L3MBTL3: variants seen among roughly 807,000 people sequenced by gnomAD.
L3MBTL3 encodes the protein lethal(3)malignant brain tumor-like protein 3.
A neutral mutation model predicts 102.3 loss-of-function variants in L3MBTL3; 27 were observed. The observed-to-expected ratio is 0.26, with a 90% CI of 0.19 to 0.36. L3MBTL3 has a LOEUF of 0.36. Ranked by LOEUF, L3MBTL3 falls within the 10% of genes least tolerant of loss-of-function variation. The pLI, the probability that L3MBTL3 is intolerant of heterozygous loss-of-function variation, is 1.00. For missense variants in L3MBTL3, 798 were observed against 955.3 expected (o/e 0.84, Z 2.17); for synonymous variants, 340 against 320.9 (o/e 1.06, Z -0.64).
chr6:130,134,746 C>T (rs540284127), intron 22 of L3MBTL3, among the ~76,000 whole-genome samples: 1 of 152,328 alleles, frequency 6.6e-6, no homozygotes, highest in African/African-American at 2.4e-5. Flanking sequence ...TACACGCATA[C>T]ACAACTTGTT....
At chr6:130,059,652 C>T (rs1781762494) in intron 9 of L3MBTL3, among the ~76,000 whole-genome samples, 1 of 152,160 alleles carries the variant, frequency 6.6e-6, no homozygotes, top group Admixed American at 6.5e-5. Context: ...TACCAATTTT[C>T]ATTCTTCCTA....
chr6:130,036,486 G>A (rs896590901), intron 2 of L3MBTL3, among the ~76,000 whole-genome samples: 1 of 152,170 alleles, frequency 6.6e-6, no homozygotes, highest in African/African-American at 2.4e-5. Context: ...AGTACACTGT[G>A]TATCATTAGT....
At chr6:130,122,725 A>G (rs1176743800) in intron 20 of L3MBTL3, among the ~76,000 whole-genome samples, 2 of 152,210 alleles carry the variant, frequency 1.3e-5, no homozygotes, top group Admixed American at 6.5e-5. Context: ...TTCTTTGTGA[A>G]TGGTGGTTTA....
intron 2 of L3MBTL3, among the ~76,000 whole-genome samples, chr6:130,032,549 A>G (rs1779795910): frequency 1.3e-5 from 2 of 152,238 alleles, no homozygotes; most frequent in African/African-American, 2.4e-5. Context: ...TATAACAAGA[A>G]GCTAACATTT....
chr6:130,073,698 C>T (rs1328535911), intron 13 of L3MBTL3, among the ~76,000 whole-genome samples: 1 of 151,900 alleles, frequency 6.6e-6, no homozygotes, highest in Non-Finnish European at 1.5e-5. Context: ...GTTCATTTTT[C>T]GATGCCAAAT....
At chr6:130,049,188 A>C (rs996634920) in intron 3 of L3MBTL3, 94 bp from the exon 4 acceptor site, 9 of 696,872 alleles carry the variant, frequency 1.3e-5, no homozygotes, top group Non-Finnish European at 2.3e-5. Flanking sequence ...CCATGTAATT[A>C]ATTTGCTTGA....
At chr6:130,066,001 G>A (rs1782222264) in intron 10 of L3MBTL3, among the ~76,000 whole-genome samples, 3 of 152,144 alleles carry the variant, frequency 2.0e-5, no homozygotes, top group African/African-American at 7.2e-5. Flanking sequence ...AGAGCTGAGT[G>A]TGCTGTGCTG....
intron 1 of L3MBTL3, among the ~76,000 whole-genome samples, chr6:130,018,948 T>C (rs1778737546): frequency 6.6e-6 from 1 of 151,814 alleles, no homozygotes; most frequent in African/African-American, 2.4e-5. Flanking sequence ...CATCTCACTC[T>C]GAAGTAGTGA....
At chr6:130,049,919 T>A in intron 5 of L3MBTL3, 89 bp downstream of exon 5, 3 of 1,477,278 alleles carry the variant, frequency 2.0e-6, no homozygotes, top group Non-Finnish European at 2.7e-6. Flanking sequence ...CCCTAACCCA[T>A]ATTTCAGTTG....
At chr6:130,110,288 G>A (rs1388133179) in intron 19 of L3MBTL3, among the ~76,000 whole-genome samples, 1 of 152,174 alleles carries the variant, frequency 6.6e-6, no homozygotes, top group Non-Finnish European at 1.5e-5. Flanking sequence ...ATTACTTTGG[G>A]CAGTATGGCC....
At chr6:130,105,763 A>G (rs1261298516) in intron 19 of L3MBTL3, among the ~76,000 whole-genome samples, 1 of 152,228 alleles carries the variant, frequency 6.6e-6, no homozygotes, top group African/African-American at 2.4e-5. Context: ...AAAATTTAAA[A>G]ATTGTTTATT....
chr6:130,081,440 A>G (rs1279325539), intron 14 of L3MBTL3, among the ~76,000 whole-genome samples: 4 of 148,226 alleles, frequency 2.7e-5, no homozygotes, highest in African/African-American at 1.0e-4. Flanking sequence ...TTTTTTTGAG[A>G]CGGATTCTTG....
intron 3 of L3MBTL3, among the ~76,000 whole-genome samples, chr6:130,043,365 T>C (rs1254020058): frequency 6.6e-6 from 1 of 152,222 alleles, no homozygotes; most frequent in East Asian, 1.9e-4. Flanking sequence ...TGAGAACTCT[T>C]TGGAGAGCAA....
intron 18 of L3MBTL3, among the ~76,000 whole-genome samples, chr6:130,097,220 C>G (rs959582459): frequency 1.3e-5 from 2 of 152,174 alleles, no homozygotes; most frequent in Admixed American, 1.3e-4. Context: ...GAGGAGCTTA[C>G]TGTGTCGTGG....
Position 130,052,900 on chromosome 6 carries a change from A to G in L3MBTL3, c.491A>G (p.Glu164Gly), listed in dbSNP as rs781213077. ...AGGGACGTAGAAGAAGACAATGAGG[A>G]AGAAGATCCTAAGTGTAGTCGGAAG... ...EERDVEEDNE[E>G]EDPKCSRKKK... Residue 164 changes from glutamate (E) to glycine (G), a missense_variant, in exon 7 of 23, where the codon GAA becomes GGA. Transcript: ENST00000361794. The G allele has an allele frequency of 6.2e-7, 1 of 1,614,088 alleles. No individual in the cohort carries two copies. The highest frequency in any genetic ancestry group is 8.5e-7 in the Non-Finnish European group (1 of 1,179,902).
chr6:130,074,800 G>A (rs1253526798), intron 13 of L3MBTL3, among the ~76,000 whole-genome samples: 1 of 152,142 alleles, frequency 6.6e-6, no homozygotes, highest in East Asian at 1.9e-4. Context: ...TTGTACTTTG[G>A]TGTCCCAGTG....
Position 130,086,121 on chromosome 6 carries a change from A to C in L3MBTL3, c.1408-19A>C, listed in dbSNP as rs544790509. On this transcript the variant is annotated intron_variant, in intron 15 of 22. Coordinates refer to ENST00000361794, the MANE Select transcript of L3MBTL3 (RefSeq NM_032438.4). ...CTCTTCCTCTTTATCTCACTCTGTA[A>C]AATTTTTTTTTGTGGCAGAAACCTC... 1.2e-5 allele frequency: 19 copies of C among 1,550,000 alleles called. No homozygotes were observed. In the East Asian group the frequency reaches 1.3e-4, roughly 11 times the overall value.
intron 19 of L3MBTL3, among the ~76,000 whole-genome samples, chr6:130,118,208 A>G (rs1343855085): frequency 6.6e-6 from 1 of 152,132 alleles, no homozygotes; most frequent in Non-Finnish European, 1.5e-5. Flanking sequence ...CCAATTGCAG[A>G]TTTTGGTGTC....
Position 130,068,434 on chromosome 6 carries a change from G to A in L3MBTL3, c.1092+13G>A, listed in dbSNP as rs766860627. 22 of 1,432,462 alleles carry A rather than the reference G, an allele frequency of 1.5e-5. No homozygotes were observed. The highest frequency in any genetic ancestry group is 6.8e-5 in the Admixed American group (4 of 58,982). 88.7% of individuals were successfully genotyped at this position (1,432,462 alleles called of 1,614,324 possible). A position where few individuals can be genotyped will look rare whatever the true frequency, so the allele number is the denominator to read the frequency against. ...AAATCAGAATATAGTAAGTACATAC[G>A]AAACACGTTTTCTTTCAAAGGAAGA... On this transcript the variant is annotated intron_variant, in intron 12 of 22. Coordinates refer to ENST00000361794, the MANE Select transcript of L3MBTL3 (RefSeq NM_032438.4).
Sources: allele counts gnomAD v4.1 joint callset (sites outside exome capture counted in the v4.1 genomes callset), GRCh38; gene constraint gnomAD v4.1.1; transcripts MANE v1.5; gene names NCBI Gene and HGNC (gene_info 2026-07-23, HGNC 2026-07-21).